The following MFSD1 variants were observed in gnomAD, a reference collection of about 807,000 sequenced individuals.
MFSD1 encodes the protein lysosomal dipeptide transporter MFSD1.
Under a neutral mutation model 67.1 loss-of-function variants are expected in MFSD1, and 59 were observed. The ratio of observed to expected loss-of-function variants is 0.88; its 90% CI spans 0.71 to 1.09. MFSD1 has a LOEUF of 1.09. Among genes scored for constraint, MFSD1 ranks in the 50% least tolerant of loss-of-function variants. The pLI, the probability that MFSD1 is intolerant of heterozygous loss-of-function variation, is 0.00. For synonymous variants in MFSD1, 213 were observed against 200.3 expected (o/e 1.06, Z -0.54); for missense variants, 552 against 566.1 (o/e 0.97, Z 0.25).
intron 1 of MFSD1, 186 bp downstream of exon 1, chr3:158,802,501 C>T (rs961015538): frequency 2.6e-6 from 2 of 783,658 alleles, no homozygotes; most frequent in African/African-American, 3.4e-5. Flanking sequence ...GCTAGTTACT[C>T]CGCGTCCGGA....
Position 158,814,042 on chromosome 3 carries a change from A to G in MFSD1, c.627A>G (p.Thr209=), listed in dbSNP as rs369516532. ...CTTTGTTAGGTTCTGCTGGTCACAC[A>G]ACCCTCGGGATCACACTTATGATTG... ...IEALLGSAGH[T]TLGITLMIGG... The change falls in exon 7 of 16, where the codon ACA becomes ACG. Residue 209 remains threonine, a synonymous_variant. Transcript: ENST00000415822. 3.7e-6 allele frequency: 6 copies of G among 1,613,734 alleles called. No homozygotes were observed. The highest frequency in any genetic ancestry group is 8.5e-7 in the Non-Finnish European group (1 of 1,179,788).
At chr3:158,819,616 G>A (rs1369823628) in intron 7 of MFSD1, 33 bp from the exon 8 acceptor site, 1 of 1,227,736 alleles carries the variant, frequency 8.1e-7, no homozygotes, top group Non-Finnish European at 1.1e-6. Context: ...TCTTTTCAAA[G>A]TCTGTTTTTC....
At chr3:158,816,240 C>T (rs1228375615) in intron 7 of MFSD1, among the ~76,000 whole-genome samples, 4 of 152,210 alleles carry the variant, frequency 2.6e-5, no homozygotes, top group Non-Finnish European at 5.9e-5. Context: ...CCGACTTCCA[C>T]GATGGTTGAA....
At chr3:158,821,408 A>G (rs1260982845) in intron 9 of MFSD1, among the ~76,000 whole-genome samples, 189 bp from the exon 10 acceptor site, 1 of 152,226 alleles carries the variant, frequency 6.6e-6, no homozygotes, top group African/African-American at 2.4e-5. Context: ...ATCATATGTC[A>G]TTTAGTCAGT....
rs142561369 is a variant in MFSD1, at chr3:158,819,788, C to T, written c.751+41C>T. 1,871 of 1,179,860 alleles carry T rather than the reference C, an allele frequency of 1.6e-3. 31 individuals are homozygous for T. The African/African-American group carries it at 0.026, about 17-fold the overall frequency. The allele number at this position is 1,179,860 out of a possible 1,614,324, so 73.1% of individuals were successfully genotyped here. The stretch of plus-strand genomic sequence containing the variant: ...AGAATGGGACTTAGGGGAATTACGG[C>T]CTTTGTGAGATTTTATAATGAGATC... On this transcript the variant is annotated intron_variant, in intron 8 of 15. Coordinates refer to ENST00000415822, the MANE Select transcript of MFSD1 (RefSeq NM_022736.4).
chr3:158,827,848 GAAA>G (rs985969888), intron 15 of MFSD1, among the ~76,000 whole-genome samples: 1 of 147,044 alleles, frequency 6.8e-6, no homozygotes, highest in African/African-American at 2.5e-5. Context: ...TTGAAACGAA[GAAA>G]AAAAATAATT....
chr3:158,809,268 A>AAC lies in MFSD1; in HGVS notation c.531_532dup (p.Leu178HisfsTer11). On this transcript the variant is annotated frameshift_variant, in exon 6 of 16. Coordinates refer to ENST00000415822, the MANE Select transcript of MFSD1 (RefSeq NM_022736.4). LOFTEE classifies it high-confidence loss of function. Reference sequence around the variant, plus strand: ...GAATTAAACCTGGTGTTTGGACTTCAACTTAGCATGGCTAGAATTGTAAGT... The same window carrying AAC: ...GAATTAAACCTGGTGTTTGGACTTCAACACTTAGCATGGCTAGAATTGTAAGT... 6.2e-7 allele frequency: 1 copy of AAC among 1,607,280 alleles called. No individual in the cohort carries two copies. The highest frequency in any genetic ancestry group is 8.5e-7 in the Non-Finnish European group (1 of 1,177,272).
rs553926935 is a variant in MFSD1, at chr3:158,805,439, T to G, written c.294T>G (p.Phe98Leu). ...GGCCCAATGTAGTTTTGTGTTTCTT[T>G]GGTGGCTTTTTGATAGACCGAGTAT... ...YSWPNVVLCFFGGFLIDRVFG... is the reference protein window; with the variant it reads ...YSWPNVVLCFLGGFLIDRVFG... Residue 98 changes from phenylalanine to leucine, a missense_variant, in exon 3 of 16, where the codon TTT (phenylalanine) becomes TTG (leucine). Coordinates refer to ENST00000415822, the MANE Select transcript of MFSD1 (RefSeq NM_022736.4). 1.2e-5 allele frequency: 19 copies of G among 1,614,110 alleles called. No homozygotes were observed. The African/African-American group carries it at 1.7e-4, about 15-fold the overall frequency.
intron 6 of MFSD1, among the ~76,000 whole-genome samples, chr3:158,810,564 G>A (rs575045049): frequency 3.5e-4 from 53 of 151,962 alleles, no homozygotes; most frequent in Non-Finnish European, 6.5e-4. Flanking sequence ...TGACACTCTC[G>A]CTATGAAAGT....
rs1729868346 is a variant in MFSD1, at chr3:158,809,106, C to T, written c.441-73C>T. The T allele has an allele frequency of 2.3e-5, 26 of 1,154,472 alleles. 1 individual carries two copies. Among genetic ancestry groups the T allele is most frequent in the Non-Finnish European group, 3.2e-5 (26 of 819,878 alleles). 71.5% of individuals were successfully genotyped at this position (1,154,472 alleles called of 1,614,324 possible). A position where few individuals can be genotyped will look rare whatever the true frequency, so the allele number is the denominator to read the frequency against. On this transcript the variant is annotated intron_variant, in intron 5 of 15. Transcript: ENST00000415822. ...ATAGGAGAAGTGCCAACATTTTAAA[C>T]CTGCTGCATTGCTAACTGTAGTATT...
intron 1 of MFSD1, among the ~76,000 whole-genome samples, chr3:158,803,127 A>G (rs1459209301): frequency 6.6e-6 from 1 of 152,154 alleles, no homozygotes; most frequent in Non-Finnish European, 1.5e-5. Context: ...ATGTCTCCGA[A>G]AACAGTTTCT....
intron 5 of MFSD1, 29 bp from the exon 6 acceptor site, chr3:158,809,150 C>CT: frequency 7.5e-7 from 1 of 1,331,758 alleles, no homozygotes; most frequent in Non-Finnish European, 1.0e-6. Flanking sequence ...GTTGTGACTT[C>CT]TGGTTTTTTT....
At position 158,819,675 on chromosome 3, in the gene MFSD1, A is replaced by G; in HGVS notation, c.679A>G (p.Ile227Val). Residue 227 changes from isoleucine (I) to valine (V), a missense_variant, in exon 8 of 16, where the codon ATC (isoleucine) becomes GTC (valine). Transcript: ENST00000415822. ...IGGITCILSL[I>V]CALALAYLDQ... ...GGGTATAACGTGTATTCTTTCACTA[A>G]TCTGTGCCTTGGCTCTTGCCTACTT... 2 of 1,599,928 alleles carry G rather than the reference A, an allele frequency of 1.3e-6. No individual in the cohort carries two copies. The highest frequency in any genetic ancestry group is 1.7e-6 in the Non-Finnish European group (2 of 1,171,260).
intron 8 of MFSD1, 23 bp from the exon 9 acceptor site, chr3:158,820,192 G>A (rs1730600511): frequency 3.0e-6 from 4 of 1,347,540 alleles, no homozygotes; most frequent in African/African-American, 2.9e-5. Context: ...TATGCTGATA[G>A]TGTCTTCCCT....
At chr3:158,807,172 A>G in intron 4 of MFSD1, 90 bp downstream of exon 4, 1 of 1,245,640 alleles carries the variant, frequency 8.0e-7, no homozygotes, top group African/African-American at 1.5e-5. Context: ...TGTTTAATTA[A>G]TGCCTAGCTT....
intron 10 of MFSD1, 80 bp from the exon 11 acceptor site, chr3:158,821,904 C>T (rs1421408663): frequency 2.8e-6 from 4 of 1,447,524 alleles, no homozygotes; most frequent in Admixed American, 3.6e-5. Context: ...TTTGCTTTGC[C>T]TGATATTTTC....
intron 7 of MFSD1, among the ~76,000 whole-genome samples, chr3:158,818,649 TG>T (rs1386105200): frequency 6.6e-6 from 1 of 152,190 alleles, no homozygotes; most frequent in African/African-American, 2.4e-5. Context: ...TATAATTCCT[TG>T]GTCGATACAG....
At position 158,829,085 on chromosome 3, in the gene MFSD1, A is replaced by T. The variant is rs1731176266; in HGVS notation, c.*103A>T. The T allele has an allele frequency of 9.0e-7, 1 of 1,107,904 alleles. No homozygotes were observed. Among genetic ancestry groups the T allele is most frequent in the Non-Finnish European group, 1.3e-6 (1 of 768,962 alleles). 68.6% of individuals were successfully genotyped at this position (1,107,904 alleles called of 1,614,324 possible). A position where few individuals can be genotyped will look rare whatever the true frequency, so the allele number is the denominator to read the frequency against. ...GTTTAGTCATTAGAAAAAATAATGG[A>T]CTGGAAAGTTATATTTATATCCAAA... On this transcript the variant is annotated 3_prime_UTR_variant, in exon 16 of 16. Transcript: ENST00000415822.
intron 7 of MFSD1, among the ~76,000 whole-genome samples, chr3:158,817,923 C>A (rs573292085): frequency 1.4e-4 from 22 of 152,162 alleles, no homozygotes; most frequent in Admixed American, 5.9e-4. Flanking sequence ...ATCTCCTGTT[C>A]AATTTGGATC....
Sources: allele counts gnomAD v4.1 joint callset (sites outside exome capture counted in the v4.1 genomes callset), GRCh38; gene constraint gnomAD v4.1.1; transcripts MANE v1.5; gene names NCBI Gene and HGNC (gene_info 2026-07-23, HGNC 2026-07-21).